AUTS2: variants seen among roughly 807,000 people sequenced by gnomAD.
AUTS2 encodes autism susceptibility gene 2 protein.
Under a neutral mutation model 112.4 loss-of-function variants are expected in AUTS2, and 17 were observed. The ratio of observed to expected loss-of-function variants is 0.15; its 90% CI spans 0.10 to 0.23. AUTS2 has a LOEUF of 0.23. Ranked by LOEUF, AUTS2 falls within the 10% of genes least tolerant of loss-of-function variation. AUTS2 has a pLI of 1.00. For synonymous variants in AUTS2, 751 were observed against 702.7 expected (o/e 1.07, Z -1.09); for missense variants, 1,510 against 1,701.6 (o/e 0.89, Z 1.98).
intron 4 of AUTS2, among the ~76,000 whole-genome samples, chr7:70,307,819 G>T (rs1413515276): frequency 6.6e-6 from 1 of 151,824 alleles, no homozygotes; most frequent in African/African-American, 2.4e-5. Flanking sequence ...TAAAATATAG[G>T]ATATAACCTT....
intron 1 of AUTS2, among the ~76,000 whole-genome samples, chr7:69,683,960 A>AT (rs1562808553): frequency 6.6e-6 from 1 of 152,148 alleles, no homozygotes; most frequent in Non-Finnish European, 1.5e-5. Flanking sequence ...TGTTCAAGAG[A>AT]TAATGGCGGA....
chr7:69,905,842 A>G (rs997927246), intron 2 of AUTS2, among the ~76,000 whole-genome samples: 4 of 152,220 alleles, frequency 2.6e-5, no homozygotes, highest in Non-Finnish European at 5.9e-5. Flanking sequence ...CAGAGAGAAA[A>G]TAAGCTGAAT....
chr7:70,584,143 CCT>C (rs1459962438), intron 5 of AUTS2, among the ~76,000 whole-genome samples: 8 of 152,274 alleles, frequency 5.3e-5, no homozygotes, highest in Admixed American at 5.2e-4. Context: ...CTGCCACCAC[CCT>C]GTTTCTTCGC....
intron 2 of AUTS2, among the ~76,000 whole-genome samples, chr7:69,902,891 C>A (rs560268824): frequency 6.6e-6 from 1 of 152,092 alleles, no homozygotes; most frequent in Non-Finnish European, 1.5e-5. Flanking sequence ...TGAGGTGGCA[C>A]CTGTCTTGGC....
intron 5 of AUTS2, among the ~76,000 whole-genome samples, chr7:70,516,474 A>T (rs1339852103): frequency 6.6e-6 from 1 of 152,208 alleles, no homozygotes; most frequent in Non-Finnish European, 1.5e-5. Context: ...ACTACCTCAG[A>T]CCAGCAGGAG....
intron 2 of AUTS2, among the ~76,000 whole-genome samples, chr7:70,117,354 A>G (rs1805437016): frequency 6.6e-6 from 1 of 151,960 alleles, no homozygotes; most frequent in Non-Finnish European, 1.5e-5. Flanking sequence ...ACATCACAGC[A>G]TCTCATCATT....
At chr7:69,644,766 T>C (rs886955260) in intron 1 of AUTS2, among the ~76,000 whole-genome samples, 6 of 152,224 alleles carry the variant, frequency 3.9e-5, no homozygotes, top group African/African-American at 1.4e-4. Context: ...TGTTTATTTA[T>C]TTGGCTTCAT....
intron 1 of AUTS2, among the ~76,000 whole-genome samples, chr7:69,614,380 G>C (rs1470674890): frequency 7.6e-5 from 1 of 13,112 alleles, no homozygotes; most frequent in African/African-American, 2.7e-4. Flanking sequence ...TTAAGAGATG[G>C]GATCTCACTC....
At chr7:70,388,044 C>T (rs1394095388) in intron 4 of AUTS2, among the ~76,000 whole-genome samples, 1 of 152,208 alleles carries the variant, frequency 6.6e-6, no homozygotes, top group Non-Finnish European at 1.5e-5. Context: ...AAGCACTGAT[C>T]ATTCTTTCAC....
intron 2 of AUTS2, among the ~76,000 whole-genome samples, chr7:69,911,383 G>A (rs993673016): frequency 7.2e-5 from 11 of 152,192 alleles, no homozygotes; most frequent in East Asian, 3.9e-4. Context: ...CTAAAGGGCC[G>A]CAGCTCTTCT....
chr7:70,327,835 A>G (rs956333360), intron 4 of AUTS2, among the ~76,000 whole-genome samples: 1 of 152,150 alleles, frequency 6.6e-6, no homozygotes, highest in African/African-American at 2.4e-5. Flanking sequence ...TTGTATTTCT[A>G]CTGAGATCTA....
chr7:70,398,326 A>G (rs895551760), intron 4 of AUTS2, among the ~76,000 whole-genome samples: 2 of 152,224 alleles, frequency 1.3e-5, no homozygotes, highest in African/African-American at 2.4e-5. Flanking sequence ...TATGGAATCT[A>G]TAGCTCACTC....
At chr7:70,603,182 G>A (rs1803561206) in intron 5 of AUTS2, among the ~76,000 whole-genome samples, 2 of 152,010 alleles carry the variant, frequency 1.3e-5, no homozygotes, top group East Asian at 1.9e-4. Context: ...GGCAAGGTGA[G>A]CAAAATTGGC....
chr7:70,564,060 A>C (rs920021250), intron 5 of AUTS2, among the ~76,000 whole-genome samples: 4 of 152,260 alleles, frequency 2.6e-5, no homozygotes, highest in African/African-American at 9.6e-5. Context: ...AAGTAAAATC[A>C]CTAGGCAATG....
rs373839149 is a variant in AUTS2, at chr7:70,375,921, A to G, written c.661-59831A>G. ...GGAATAATAGTAGGCATCACCTTAA[A>G]TCATAATATTTTCACAAGAACATGT... On this transcript the variant is annotated intron_variant, in intron 4 of 18. Transcript: ENST00000342771. Among the ~76,000 whole-genome samples, 29 of 152,270 alleles carry G rather than the reference A, an allele frequency of 1.9e-4. No individual in the cohort carries two copies. The East Asian group carries it at 4.8e-3, about 25-fold the overall frequency.
intron 1 of AUTS2, among the ~76,000 whole-genome samples, chr7:69,834,789 G>A (rs191474509): frequency 6.6e-6 from 1 of 152,348 alleles, no homozygotes; most frequent in Admixed American, 6.5e-5. Context: ...AGCAGAGCCT[G>A]AGAATCCTAT....
intron 5 of AUTS2, among the ~76,000 whole-genome samples, chr7:70,554,141 T>C (rs1430093097): frequency 6.8e-6 from 1 of 146,472 alleles, no homozygotes; most frequent in Non-Finnish European, 1.5e-5. Context: ...CGATCTCCAC[T>C]CAATGCAACC....
At chr7:69,954,993 C>G (rs1797162306) in intron 2 of AUTS2, among the ~76,000 whole-genome samples, 1 of 152,158 alleles carries the variant, frequency 6.6e-6, no homozygotes, top group Admixed American at 6.5e-5. Flanking sequence ...AATCAACTTG[C>G]ATTTGTTCTG....
At position 70,541,966 on chromosome 7, in the gene AUTS2, T is replaced by A. The variant is rs149255924; in HGVS notation, c.690+106185T>A. On this transcript the variant is annotated intron_variant, in intron 5 of 18. Transcript: ENST00000342771. ...GATCCTCATCAGTGGCTGATGTGAA[T>A]GTGGAACCTAATAGGATGAAAGAAA... Among the ~76,000 whole-genome samples, 360 of 152,348 alleles carry A rather than the reference T, an allele frequency of 2.4e-3. 1 individual carries two copies. Among genetic ancestry groups the A allele is most frequent in the African/African-American group, 8.3e-3 (346 of 41,584 alleles).
Sources: gnomAD v4.1 joint callset for allele counts (sites outside exome capture counted in the v4.1 genomes callset) on GRCh38, gnomAD v4.1.1 for gene constraint, MANE v1.5 for transcripts, NCBI Gene and HGNC (gene_info 2026-07-23, HGNC 2026-07-21) for gene names.